The following TTYH2 variants were observed in gnomAD, a reference collection of about 807,000 sequenced individuals.
TTYH2 encodes the protein tweety family member 2.
A neutral mutation model predicts 68.3 loss-of-function variants in TTYH2; 49 were observed. That is an observed-to-expected ratio of 0.72 (90% CI 0.57 to 0.91). The LOEUF (loss-of-function observed/expected upper bound fraction) is 0.91. TTYH2 is among the 40% of genes least tolerant of loss of function. The pLI, the probability that TTYH2 is intolerant of heterozygous loss-of-function variation, is 0.00. For missense variants in TTYH2, 631 were observed against 700.4 expected, an observed-to-expected ratio of 0.90 and a Z score of 1.12; for synonymous variants, 272 against 300.8, an observed-to-expected ratio of 0.90 and a Z score of 0.99.
At chr17:74,251,062 G>A (rs2050618506) in intron 10 of TTYH2, among the ~76,000 whole-genome samples, 1 of 146,756 alleles carries the variant, frequency 6.8e-6, no homozygotes, top group South Asian at 2.3e-4. Context: ...GTCTGTGTGT[G>A]TGTGCGTGTG....
chr17:74,218,019 A>G (rs977160271), intron 1 of TTYH2, among the ~76,000 whole-genome samples: 2 of 152,112 alleles, frequency 1.3e-5, no homozygotes, highest in Admixed American at 1.3e-4. Flanking sequence ...CCATCTGAGC[A>G]GGGGGGCCTG....
chr17:74,258,555 C>A (rs2143790532), intron 13 of TTYH2, among the ~76,000 whole-genome samples: 1 of 152,242 alleles, frequency 6.6e-6, no homozygotes, highest in African/African-American at 2.4e-5. Context: ...GTGTGAGCCA[C>A]CGTGCCTGGC....
chr17:74,257,595 T>A (rs1174770826), intron 13 of TTYH2, among the ~76,000 whole-genome samples: 2 of 152,202 alleles, frequency 1.3e-5, no homozygotes, highest in Non-Finnish European at 2.9e-5. Flanking sequence ...GGGTGGGTGA[T>A]GTCACGCCTG....
rs1004594386 is a variant in TTYH2, at chr17:74,261,955, T to C, written c.*1746T>C. The C allele has an allele frequency of 6.6e-6, 1 of 152,586 alleles. No homozygotes were observed. The highest frequency in any genetic ancestry group is 6.5e-5 in the Admixed American group (1 of 15,278). 9.5% of individuals were successfully genotyped at this position (152,586 alleles called of 1,614,324 possible). Reference sequence around the variant, plus strand: ...TCGGGGAGTTCCTGAAGGAACCAGGTGGGCAAACCTTTGCTTATATACATG... The same window carrying C: ...TCGGGGAGTTCCTGAAGGAACCAGGCGGGCAAACCTTTGCTTATATACATG... On this transcript the variant is annotated 3_prime_UTR_variant, in exon 14 of 14. Coordinates refer to ENST00000269346, the MANE Select transcript of TTYH2 (RefSeq NM_032646.6).
chr17:74,229,359 C>T (rs2050364008), intron 2 of TTYH2, among the ~76,000 whole-genome samples: 1 of 152,178 alleles, frequency 6.6e-6, no homozygotes, highest in African/African-American at 2.4e-5. Context: ...GGGCTGGCTA[C>T]AGTCTCCCAA....
At chr17:74,244,638 A>G (rs2050537314) in intron 6 of TTYH2, among the ~76,000 whole-genome samples, 1 of 151,788 alleles carries the variant, frequency 6.6e-6, no homozygotes, top group African/African-American at 2.4e-5. Flanking sequence ...GGTCCACATG[A>G]TCTTTAAAGG....
At chr17:74,243,835 A>T in intron 5 of TTYH2, 142 bp from the exon 6 acceptor site, 1 of 698,514 alleles carries the variant, frequency 1.4e-6, no homozygotes, top group Non-Finnish European at 2.3e-6. Flanking sequence ...GTCCTTTCCT[A>T]GTAGTGAGCA....
intron 13 of TTYH2, among the ~76,000 whole-genome samples, chr17:74,257,655 G>A (rs2050706758): frequency 6.6e-6 from 1 of 152,164 alleles, no homozygotes; most frequent in African/African-American, 2.4e-5. Flanking sequence ...TCTTCCCCCA[G>A]CTCTGCCTTC....
At chr17:74,249,811 G>T (rs1017860326) in intron 8 of TTYH2, 125 bp from the exon 9 acceptor site, 408 of 1,118,242 alleles carry the variant, frequency 3.6e-4, no homozygotes, top group Non-Finnish European at 5.0e-4. Context: ...GCAGCCAGGT[G>T]GGGGGGTGGG....
intron 3 of TTYH2, among the ~76,000 whole-genome samples, chr17:74,231,635 C>T (rs911657449): frequency 6.6e-5 from 10 of 151,912 alleles, no homozygotes; most frequent in African/African-American, 2.4e-4. Context: ...CAAGATCACG[C>T]CACCACACTC....
chr17:74,239,029 A>T lies in TTYH2; in HGVS notation c.635+1515A>T, dbSNP rs965519246. Among the ~76,000 whole-genome samples, 26 of 152,064 alleles carry T rather than the reference A, an allele frequency of 1.7e-4. No individual in the cohort carries two copies. Among genetic ancestry groups the T allele is most frequent in the African/African-American group, 6.3e-4 (26 of 41,426 alleles). On this transcript the variant is annotated intron_variant, in intron 4 of 13. Transcript: ENST00000269346. The surrounding 1 kb of genome is among the most constrained non-coding windows in gnomAD (Gnocchi z 5.3). ...CCCAGACCAGCCTCACTTATGTAGA[A>T]CCTGAGTGATGGGGACTGAGGGGCA...
At chr17:74,242,746 A>T (rs1567817326) in intron 4 of TTYH2, among the ~76,000 whole-genome samples, 1 of 152,126 alleles carries the variant, frequency 6.6e-6, no homozygotes, top group East Asian at 1.9e-4. Context: ...GCAAGATGGG[A>T]GGCCTTGGGG....
At position 74,222,593 on chromosome 17, in the gene TTYH2, C is replaced by T; in HGVS notation, c.238C>T (p.Gln80Ter). ...CCACTGCCGGCGGGACGATGCGGTG[C>T]AGACCAAGCAGCACCACTCCTGCTG... is the stretch of plus-strand genomic sequence containing the variant. ...ACHCRRDDAV[Q>*]TKQHHSCCIT... Residue 80 changes from glutamine to a stop codon, truncating the protein, a stop_gained, in exon 2 of 14, where the codon CAG (glutamine) becomes TAG (stop). Coordinates refer to ENST00000269346, the MANE Select transcript of TTYH2 (RefSeq NM_032646.6). LOFTEE classifies it high-confidence loss of function. This position sits in a 1 kb window ranked among gnomAD's most constrained non-coding sequence, Gnocchi z 5.2. 1 of 1,612,220 alleles carries T rather than the reference C, an allele frequency of 6.2e-7. No individual in the cohort carries two copies. Among genetic ancestry groups the T allele is most frequent in the Non-Finnish European group, 8.5e-7 (1 of 1,179,990 alleles).
chr17:74,243,318 C>T (rs2050520854), intron 4 of TTYH2, 56 bp from the exon 5 acceptor site: 1 of 1,474,170 alleles, frequency 6.8e-7, no homozygotes, highest in Non-Finnish European at 9.5e-7. Context: ...CTCACGTGGC[C>T]AGCAGGTCAG....
intron 13 of TTYH2, 113 bp downstream of exon 13, chr17:74,253,946 T>C: frequency 8.6e-7 from 1 of 1,160,074 alleles, no homozygotes; most frequent in Non-Finnish European, 1.3e-6. Context: ...GTTCTGTTAT[T>C]GAATATGCAC....
intron 13 of TTYH2, among the ~76,000 whole-genome samples, chr17:74,259,470 C>T (rs1476374482): frequency 6.6e-6 from 1 of 152,132 alleles, no homozygotes; most frequent in Non-Finnish European, 1.5e-5. Flanking sequence ...CTGCCTCTGT[C>T]TCCTAAAGTG....
rs1401700739 is a variant in TTYH2, at chr17:74,261,931, C to T, written c.*1722C>T. On this transcript the variant is annotated 3_prime_UTR_variant, in exon 14 of 14. Coordinates refer to ENST00000269346, the MANE Select transcript of TTYH2 (RefSeq NM_032646.6). ...ATGCATGGAAACTAAACAGATTCCTCGGGGAGTTCCTGAAGGAACCAGGTG... is the reference window on the plus strand; with the variant it reads ...ATGCATGGAAACTAAACAGATTCCTTGGGGAGTTCCTGAAGGAACCAGGTG... 2 of 152,570 alleles carry T rather than the reference C, an allele frequency of 1.3e-5. No individual in the cohort carries two copies. The highest frequency in any genetic ancestry group is 2.9e-5 in the Non-Finnish European group (2 of 68,036). The allele number at this position is 152,570 out of a possible 1,614,324, so 9.5% of individuals were successfully genotyped here.
chr17:74,257,620 CA>C (rs1401933727), intron 13 of TTYH2, among the ~76,000 whole-genome samples: 1 of 152,226 alleles, frequency 6.6e-6, no homozygotes, highest in Non-Finnish European at 1.5e-5. Flanking sequence ...TCGGGATATA[CA>C]GCCTGTCCCT....
At chr17:74,253,056 G>A (rs112359210) in intron 11 of TTYH2, 25 bp from the exon 12 acceptor site, 53 of 1,611,928 alleles carry the variant, frequency 3.3e-5, no homozygotes, top group Non-Finnish European at 3.4e-5. Context: ...CTTCACAGCC[G>A]GCCATCTTCT....
Sources: allele counts gnomAD v4.1 joint callset (sites outside exome capture counted in the v4.1 genomes callset), GRCh38; gene constraint gnomAD v4.1.1; non-coding constraint Gnocchi (gnomAD v3.1); transcripts MANE v1.5; gene names NCBI Gene and HGNC (gene_info 2026-07-23, HGNC 2026-07-21).